The following NAV3 variants were observed in gnomAD, a reference collection of about 807,000 sequenced individuals.
NAV3 encodes the protein neuron navigator 3.
Under a neutral mutation model 244.7 loss-of-function variants are expected in NAV3, and 87 were observed. The observed-to-expected ratio is 0.36, with a 90% CI of 0.30 to 0.42. The LOEUF is 0.42. Ranked by LOEUF, NAV3 falls within the 20% of genes least tolerant of loss-of-function variation. The probability of loss-of-function intolerance (pLI) is 1.00; values close to 1 mark genes in which losing one functional copy is unlikely to be tolerated. For missense variants in NAV3, 2,663 were observed against 2,893.3 expected, an observed-to-expected ratio of 0.92 and a Z score of 1.83; for synonymous variants, 1,126 against 1,042.2, an observed-to-expected ratio of 1.08 and a Z score of -1.55.
chr12:77,686,761 C>T (rs1000458610), intron 2 of NAV3, among the ~76,000 whole-genome samples: 3 of 152,122 alleles, frequency 2.0e-5, no homozygotes, highest in African/African-American at 4.8e-5. Context: ...TCTGACTTTA[C>T]AGTACGAGGT....
intron 12 of NAV3, among the ~76,000 whole-genome samples, chr12:78,087,373 A>G (rs925169734): frequency 6.6e-6 from 1 of 152,048 alleles, no homozygotes; most frequent in Non-Finnish European, 1.5e-5. Context: ...ATCCACATGA[A>G]TATTTTGTCC....
intron 12 of NAV3, 55 bp downstream of exon 12, chr12:78,059,170 A>T: frequency 6.4e-7 from 1 of 1,556,266 alleles, no homozygotes; most frequent in Non-Finnish European, 8.7e-7. Context: ...TTTTATAAAT[A>T]AGAAAATAAC....
At chr12:77,972,276 C>T (rs1207942295) in intron 5 of NAV3, among the ~76,000 whole-genome samples, 1 of 152,146 alleles carries the variant, frequency 6.6e-6, no homozygotes, top group Non-Finnish European at 1.5e-5. Context: ...AGGAATCAGA[C>T]TGCCAGGACC....
At chr12:78,198,732 GC>G in intron 36 of NAV3, 56 bp downstream of exon 36, 2 of 544,842 alleles carry the variant, frequency 3.7e-6, no homozygotes, top group East Asian at 5.4e-5. Context: ...GTTGGGGGGG[GC>G]AGGGGAGGGG....
chr12:77,898,124 G>A (rs2619065), intron 1 of NAV3, among the ~76,000 whole-genome samples: 5 of 152,050 alleles, frequency 3.3e-5, no homozygotes, highest in South Asian at 4.2e-4. Context: ...CTACCTAGAC[G>A]AATATCACAC....
intron 2 of NAV3, among the ~76,000 whole-genome samples, chr12:77,794,644 A>G (rs1462764328): frequency 6.6e-6 from 1 of 152,204 alleles, no homozygotes; most frequent in Non-Finnish European, 1.5e-5. Flanking sequence ...GGTTTGTGGC[A>G]ACCCTGCATC....
intron 2 of NAV3, among the ~76,000 whole-genome samples, chr12:77,818,528 T>C (rs930384599): frequency 1.3e-5 from 2 of 152,136 alleles, no homozygotes; most frequent in East Asian, 3.8e-4. Context: ...TTGCCTGTTT[T>C]TGACAGAAAG....
chr12:77,945,330 G>T (rs747665917), intron 3 of NAV3, among the ~76,000 whole-genome samples: 1 of 152,102 alleles, frequency 6.6e-6, no homozygotes, highest in Non-Finnish European at 1.5e-5. Flanking sequence ...AAACAATAGG[G>T]ATACATTTGT....
At position 77,830,963 on chromosome 12, in the gene NAV3, G is replaced by A. The variant is rs908718562; in HGVS notation, c.-499G>A. The stretch of plus-strand genomic sequence containing the variant: ...GCTGCTCTGACAGTTGGACTGAAGG[G>A]CTTTTCCTTTTGATTTTTTCCTCTT... On this transcript the variant is annotated 5_prime_UTR_variant, in exon 1 of 40. Coordinates refer to ENST00000397909, the MANE Select transcript of NAV3 (RefSeq NM_001024383.2). 3 of 152,072 alleles carry A rather than the reference G, an allele frequency of 2.0e-5. No individual in the cohort carries two copies. The South Asian group carries it at 6.2e-4, about 32-fold the overall frequency. The allele number at this position is 152,072 out of a possible 1,614,324, so 9.4% of individuals were successfully genotyped here. A position where few individuals can be genotyped will look rare whatever the true frequency, so the allele number is the denominator to read the frequency against.
intron 11 of NAV3, among the ~76,000 whole-genome samples, chr12:78,058,324 G>A (rs554697077): frequency 1.3e-5 from 2 of 152,122 alleles, no homozygotes; most frequent in Non-Finnish European, 2.9e-5. Context: ...ATGGCACACC[G>A]CAGGCAAGAG....
intron 2 of NAV3, among the ~76,000 whole-genome samples, chr12:77,752,216 T>C (rs1868891885): frequency 6.6e-6 from 1 of 152,200 alleles, no homozygotes; most frequent in South Asian, 2.1e-4. Flanking sequence ...TTGACTTTTG[T>C]TCTTAATTTA....
At chr12:77,692,119 T>A (rs1360713376) in intron 2 of NAV3, among the ~76,000 whole-genome samples, 2 of 151,984 alleles carry the variant, frequency 1.3e-5, no homozygotes, top group Non-Finnish European at 2.9e-5. Flanking sequence ...TTTATAATCG[T>A]TGTGCAATAA....
chr12:77,820,089 A>AGTGTGTGT (rs77744703), intron 2 of NAV3, among the ~76,000 whole-genome samples: 3 of 151,072 alleles, frequency 2.0e-5, no homozygotes, highest in Non-Finnish European at 3.0e-5. Context: ...AATAAATTGA[A>AGTGTGTGT]GTGTGTGTGT....
chr12:77,968,207 A>C (rs183820800), intron 4 of NAV3, among the ~76,000 whole-genome samples: 165 of 152,338 alleles, frequency 1.1e-3, no homozygotes, highest in African/African-American at 3.7e-3. Context: ...AGCACAAGAG[A>C]GAGCTCATTT....
At chr12:78,059,963 G>A (rs1186724873) in intron 12 of NAV3, among the ~76,000 whole-genome samples, 1 of 149,828 alleles carries the variant, frequency 6.7e-6, no homozygotes, top group East Asian at 2.0e-4. Context: ...TCTTAAAGAT[G>A]TGTGTGTGTG....
chr12:77,579,348 C>T (rs1484622857), intron 2 of NAV3, among the ~76,000 whole-genome samples: 4 of 152,194 alleles, frequency 2.6e-5, no homozygotes, highest in Non-Finnish European at 4.4e-5. Context: ...CATGACTCTA[C>T]CTTACTTCAT....
chr12:78,136,196 C>T (rs1238038794), intron 18 of NAV3, among the ~76,000 whole-genome samples: 1 of 152,200 alleles, frequency 6.6e-6, no homozygotes, highest in Non-Finnish European at 1.5e-5. Flanking sequence ...ACGGATTCCA[C>T]AGGGTTTTGA....
chr12:77,679,905 G>A (rs1874375900), intron 2 of NAV3, among the ~76,000 whole-genome samples: 1 of 152,144 alleles, frequency 6.6e-6, no homozygotes, highest in African/African-American at 2.4e-5. Context: ...TGGATCAGTG[G>A]GTAGGAAGAA....
chr12:78,070,848 C>A (rs1176462796), intron 12 of NAV3, among the ~76,000 whole-genome samples: 1 of 149,410 alleles, frequency 6.7e-6, no homozygotes, highest in East Asian at 2.0e-4. Flanking sequence ...TGATGATTTC[C>A]AATTTCATCC....
Sources: gnomAD v4.1 joint callset for allele counts (sites outside exome capture counted in the v4.1 genomes callset) on GRCh38, gnomAD v4.1.1 for gene constraint, MANE v1.5 for transcripts, NCBI Gene and HGNC (gene_info 2026-07-23, HGNC 2026-07-21) for gene names.